Variants in TRAF3IP1 observed in about 807,000 individuals in gnomAD.
The protein encoded by TRAF3IP1 is intraflagellar transport 54.
In TRAF3IP1, 53 loss-of-function variants were observed where a neutral mutation model predicts 89.9. That is an observed-to-expected ratio of 0.59 (90% CI 0.47 to 0.74). TRAF3IP1 has a LOEUF of 0.74. Among genes scored for constraint, TRAF3IP1 ranks in the 30% least tolerant of loss-of-function variants. The pLI, the probability that TRAF3IP1 is intolerant of heterozygous loss-of-function variation, is 0.00. For missense variants in TRAF3IP1, 806 were observed against 866.1 expected (o/e 0.93, Z 0.87); for synonymous variants, 311 against 322.1 (o/e 0.97, Z 0.37).
rs560350756 is a variant in TRAF3IP1, at chr2:238,331,348, G to C, written c.916-1476G>C. ...AAAAATTAGCTGGGTGTGGTGGCACGTGCCTGTAGTCCCAGCTACTCAGGA... is the reference window on the plus strand; with the variant it reads ...AAAAATTAGCTGGGTGTGGTGGCACCTGCCTGTAGTCCCAGCTACTCAGGA... On this transcript the variant is annotated intron_variant, in intron 5 of 16. Coordinates refer to ENST00000373327, the MANE Select transcript of TRAF3IP1 (RefSeq NM_015650.4). Among the ~76,000 whole-genome samples, 12 of 151,602 alleles carry C rather than the reference G, an allele frequency of 7.9e-5. No individual in the cohort carries two copies. In the East Asian group the frequency reaches 2.1e-3, roughly 27 times the overall value.
chr2:238,374,085 A>G (rs972105397), intron 15 of TRAF3IP1, among the ~76,000 whole-genome samples: 1 of 152,212 alleles, frequency 6.6e-6, no homozygotes, highest in Admixed American at 6.5e-5. Flanking sequence ...AACAGGGACA[A>G]TTTGACTTCC....
Position 238,382,223 on chromosome 2 carries a change from G to A in TRAF3IP1, c.1690-15236G>A, listed in dbSNP as rs1700580049. On this transcript the variant is annotated intron_variant, in intron 15 of 16. Transcript: ENST00000373327. ...AAACAGGCGAAACAGATGCCACAGT[G>A]GTTCTCCTGCATGGAAGACCTGAGT... Among the ~76,000 whole-genome samples the A allele has an allele frequency of 1.3e-5, 2 of 152,122 alleles. 1 individual carries two copies. Among genetic ancestry groups the A allele is most frequent in the East Asian group, 3.9e-4 (2 of 5,192 alleles).
Position 238,345,871 on chromosome 2 carries a change from C to A in TRAF3IP1, c.1261+1273C>A, listed in dbSNP as rs553382483. Among the ~76,000 whole-genome samples the A allele has an allele frequency of 5.3e-5, 8 of 152,000 alleles. No homozygotes were observed. The highest frequency in any genetic ancestry group is 1.0e-4 in the Non-Finnish European group (7 of 67,986). On this transcript the variant is annotated intron_variant, in intron 9 of 16. Coordinates refer to ENST00000373327, the MANE Select transcript of TRAF3IP1 (RefSeq NM_015650.4). This position sits in a 1 kb window ranked among gnomAD's most constrained non-coding sequence, Gnocchi z 4.7. ...AGCACTGGCGCTGTGGAAGCACAGG[C>A]GTCGGGGAGGATGGTGTGGGCCATG...
intron 9 of TRAF3IP1, among the ~76,000 whole-genome samples, chr2:238,346,735 C>T (rs66466750): frequency 1.3e-5 from 2 of 152,214 alleles, no homozygotes; most frequent in African/African-American, 4.8e-5. Context: ...TCCTCTCTGC[C>T]GTATAGTGTG....
chr2:238,363,991 A>T (rs1699767905), intron 15 of TRAF3IP1, among the ~76,000 whole-genome samples: 1 of 152,142 alleles, frequency 6.6e-6, no homozygotes, highest in Non-Finnish European at 1.5e-5. Context: ...ATAAAAATGT[A>T]TCCTCAAAGC....
chr2:238,375,308 C>T (rs1700269865), intron 15 of TRAF3IP1, among the ~76,000 whole-genome samples: 1 of 152,120 alleles, frequency 6.6e-6, no homozygotes. Flanking sequence ...TAAATGTGTC[C>T]CAGAGATTCC....
At chr2:238,373,612 G>C (rs1333557526) in intron 15 of TRAF3IP1, among the ~76,000 whole-genome samples, 6 of 152,154 alleles carry the variant, frequency 3.9e-5, no homozygotes, top group Non-Finnish European at 8.8e-5. Flanking sequence ...TCTTGGCAAT[G>C]CGGGCTCTTT....
At chr2:238,346,086 G>A (rs62196673) in intron 9 of TRAF3IP1, among the ~76,000 whole-genome samples, 28,418 of 152,042 alleles carry the variant, frequency 0.19, 3,252 homozygotes, top group Non-Finnish European at 0.25. Flanking sequence ...AGAAAGAGCC[G>A]GGGATTTGAA....
In TRAF3IP1 at chr2:238,355,985, A is replaced by G; in HGVS notation, c.1613-19A>G. 1 of 1,601,606 alleles carries G rather than the reference A, an allele frequency of 6.2e-7. No homozygotes were observed. The highest frequency in any genetic ancestry group is 1.1e-5 in the South Asian group (1 of 90,462). ...ATAGAGAATAAACTTTTAACATAAA[A>G]TCACTGATTTTTCAACAGGTGGACT... On this transcript the variant is annotated intron_variant, in intron 14 of 16. Coordinates refer to ENST00000373327, the MANE Select transcript of TRAF3IP1 (RefSeq NM_015650.4).
chr2:238,360,100 T>G (rs77817703), intron 15 of TRAF3IP1, among the ~76,000 whole-genome samples: 1,550 of 152,276 alleles, frequency 0.01, 21 homozygotes, highest in African/African-American at 0.036. Context: ...GACAGAGGGA[T>G]GATTTATGTC....
At chr2:238,392,726 G>A (rs1213667424) in intron 15 of TRAF3IP1, among the ~76,000 whole-genome samples, 3 of 152,184 alleles carry the variant, frequency 2.0e-5, no homozygotes, top group East Asian at 1.9e-4. Flanking sequence ...ACAGGCATGC[G>A]CCACCGCGCC....
chr2:238,394,326 T>C (rs1701121270), intron 15 of TRAF3IP1, among the ~76,000 whole-genome samples: 1 of 152,238 alleles, frequency 6.6e-6, no homozygotes, highest in Non-Finnish European at 1.5e-5. Context: ...ACAAAAACAT[T>C]GGCTGCAAGT....
Position 238,339,227 on chromosome 2 carries a change from G to A in TRAF3IP1, c.1159+770G>A, listed in dbSNP as rs187958157. Among the ~76,000 whole-genome samples, 12 of 152,298 alleles carry A rather than the reference G, an allele frequency of 7.9e-5. No homozygotes were observed. The East Asian group carries it at 2.3e-3, about 29-fold the overall frequency. ...AGTGGGCGCACTTGGTACAGCAGCC[G>A]CAGTGTGAAAGATGATCTGTGGTTA... On this transcript the variant is annotated intron_variant, in intron 8 of 16. Coordinates refer to ENST00000373327, the MANE Select transcript of TRAF3IP1 (RefSeq NM_015650.4).
At chr2:238,331,086 G>A (rs182141437) in intron 5 of TRAF3IP1, among the ~76,000 whole-genome samples, 14 of 152,238 alleles carry the variant, frequency 9.2e-5, no homozygotes. Flanking sequence ...CCTTCGGATT[G>A]AGGGTCCCCA....
At chr2:238,367,830 G>A (rs879427008) in intron 15 of TRAF3IP1, among the ~76,000 whole-genome samples, 5 of 152,330 alleles carry the variant, frequency 3.3e-5, no homozygotes, top group Middle Eastern at 3.4e-3. Context: ...ACAGGAGGGA[G>A]CAGCACCGCG....
intron 10 of TRAF3IP1, among the ~76,000 whole-genome samples, chr2:238,347,894 T>A (rs915549568): frequency 6.6e-6 from 1 of 152,214 alleles, no homozygotes; most frequent in African/African-American, 2.4e-5. Flanking sequence ...CCCAAAGTTC[T>A]GGGATTACAG....
rs1213757642 is a variant in TRAF3IP1 at position 238,365,664 on chromosome 2, TAAAATA to T, written c.1689+9599_1689+9604del. Among the ~76,000 whole-genome samples, 7 of 150,394 alleles carry T rather than the reference TAAAATA, an allele frequency of 4.7e-5. No individual in the cohort carries two copies. The Middle Eastern group carries it at 0.014, about 296-fold the overall frequency. Reference sequence around the variant, plus strand: ...TAGTGTGAGACCTGTCTCAAAAAAATAAAATAAAAATAAAAATAAATAAATAAATAA... The same window carrying T: ...TAGTGTGAGACCTGTCTCAAAAAAATAAAATAAAAATAAATAAATAAATAA... On this transcript the variant is annotated intron_variant, in intron 15 of 16. Transcript: ENST00000373327.
intron 14 of TRAF3IP1, among the ~76,000 whole-genome samples, chr2:238,353,601 C>T (rs540103492): frequency 6.6e-6 from 1 of 152,274 alleles, no homozygotes; most frequent in South Asian, 2.1e-4. Context: ...CCCCGTTCCC[C>T]ACACCAGGGT....
intron 15 of TRAF3IP1, among the ~76,000 whole-genome samples, chr2:238,372,802 T>C (rs1216153668): frequency 6.6e-6 from 1 of 152,248 alleles, no homozygotes; most frequent in Non-Finnish European, 1.5e-5. Context: ...TGTTGTTTCC[T>C]GACTTTTTAA....
Sources: gnomAD v4.1 joint callset for allele counts (sites outside exome capture counted in the v4.1 genomes callset) on GRCh38, gnomAD v4.1.1 for gene constraint, Gnocchi (gnomAD v3.1) non-coding constraint, MANE v1.5 for transcripts, NCBI Gene and HGNC (gene_info 2026-07-23, HGNC 2026-07-21) for gene names.